The following GABBR2 variants were observed in gnomAD, a reference collection of about 807,000 sequenced individuals.
The protein encoded by GABBR2 is gamma-aminobutyric acid type B receptor subunit 2, also known as G-protein coupled receptor 51.
Under a neutral mutation model 105.6 loss-of-function variants are expected in GABBR2, and 23 were observed. The ratio of observed to expected loss-of-function variants is 0.22; its 90% confidence interval spans 0.16 to 0.31. The LOEUF is 0.31. Ranked by LOEUF, GABBR2 falls within the 10% of genes least tolerant of loss-of-function variation. The pLI, the probability that GABBR2 is intolerant of heterozygous loss-of-function variation, is 1.00. For missense variants in GABBR2, 734 were observed against 1,245.5 expected, an observed-to-expected ratio of 0.59 and a Z score of 6.18; for synonymous variants, 478 against 499.7, an observed-to-expected ratio of 0.96 and a Z score of 0.58.
intron 4 of GABBR2, among the ~76,000 whole-genome samples, chr9:98,487,452 T>C (rs1827081500): frequency 6.6e-6 from 1 of 152,090 alleles, no homozygotes; most frequent in Non-Finnish European, 1.5e-5. Context: ...AAGCCTACCT[T>C]TGTAGTTGTC....
intron 1 of GABBR2, among the ~76,000 whole-genome samples, chr9:98,602,719 G>C (rs1414834545): frequency 6.6e-6 from 1 of 152,202 alleles, no homozygotes; most frequent in Non-Finnish European, 1.5e-5. Context: ...AGTGGGAGGG[G>C]AGAAAACTGG....
At chr9:98,708,191 TAC>T in intron 1 of GABBR2, among the ~76,000 whole-genome samples, 1 of 141,532 alleles carries the variant, frequency 7.1e-6, no homozygotes, top group African/African-American at 2.5e-5. Context: ...CACACACACA[TAC>T]ACACATAAGA....
intron 3 of GABBR2, among the ~76,000 whole-genome samples, chr9:98,519,034 A>T (rs1363597479): frequency 6.6e-6 from 1 of 152,206 alleles, no homozygotes; most frequent in Non-Finnish European, 1.5e-5. Context: ...GGGAACAGGT[A>T]TTTACTCTGT....
intron 1 of GABBR2, among the ~76,000 whole-genome samples, chr9:98,660,884 T>C (rs1015272768): frequency 6.6e-6 from 1 of 152,218 alleles, no homozygotes; most frequent in Non-Finnish European, 1.5e-5. Flanking sequence ...ACCTGGATGA[T>C]CCAGGATAAT....
intron 11 of GABBR2, among the ~76,000 whole-genome samples, chr9:98,379,969 A>G (rs1831943096): frequency 6.6e-6 from 1 of 151,214 alleles, no homozygotes; most frequent in Admixed American, 6.6e-5. Flanking sequence ...AACTTAGTTG[A>G]CTTTTTTTTT....
chr9:98,618,291 C>G (rs1005130427), intron 1 of GABBR2, among the ~76,000 whole-genome samples: 15 of 152,200 alleles, frequency 9.9e-5, no homozygotes, highest in African/African-American at 3.4e-4. Context: ...AGACTTGTGC[C>G]CTTTTTGTAA....
chr9:98,479,622 C>A (rs978162564), intron 5 of GABBR2, among the ~76,000 whole-genome samples: 3 of 152,242 alleles, frequency 2.0e-5, no homozygotes, highest in African/African-American at 4.8e-5. Context: ...GCAGCCACTA[C>A]CCTATCCTCG....
intron 3 of GABBR2, 107 bp from the exon 4 acceptor site, chr9:98,496,621 C>A (rs1179771674): frequency 6.7e-6 from 5 of 740,860 alleles, no homozygotes; most frequent in Admixed American, 2.0e-5. Flanking sequence ...ATTTTCTCTA[C>A]CGACAATGCA....
chr9:98,636,876 C>T (rs1291407713), intron 1 of GABBR2, among the ~76,000 whole-genome samples: 6 of 152,160 alleles, frequency 3.9e-5, no homozygotes, highest in Non-Finnish European at 7.3e-5. Flanking sequence ...TAAAATGTCT[C>T]CAAATACCTC....
At chr9:98,455,485 G>C (rs367817077) in intron 6 of GABBR2, among the ~76,000 whole-genome samples, 7 of 152,286 alleles carry the variant, frequency 4.6e-5, no homozygotes, top group African/African-American at 1.7e-4. Context: ...GACAGTCACG[G>C]GCATGCAGTC....
intron 6 of GABBR2, among the ~76,000 whole-genome samples, chr9:98,462,410 A>C (rs1826442096): frequency 6.6e-6 from 1 of 152,240 alleles, no homozygotes; most frequent in Non-Finnish European, 1.5e-5. Context: ...CTGTCAAATA[A>C]TTCATATCCA....
chr9:98,449,653 GC>G (rs1319977256), intron 7 of GABBR2, among the ~76,000 whole-genome samples: 3 of 152,202 alleles, frequency 2.0e-5, no homozygotes, highest in Non-Finnish European at 4.4e-5. Context: ...CTAATGATGA[GC>G]TCTGCTGAGC....
chr9:98,514,351 A>G (rs1159082665), intron 3 of GABBR2, among the ~76,000 whole-genome samples: 1 of 131,156 alleles, frequency 7.6e-6, no homozygotes, highest in Admixed American at 7.6e-5. Flanking sequence ...ACATGTATAC[A>G]TATGTAACTA....
intron 13 of GABBR2, among the ~76,000 whole-genome samples, chr9:98,351,168 C>T (rs1831392957): frequency 1.2e-5 from 1 of 85,280 alleles, no homozygotes; most frequent in South Asian, 3.3e-4. Context: ...TTATAGTTGG[C>T]TTTTTAAAAA....
intron 12 of GABBR2, among the ~76,000 whole-genome samples, chr9:98,364,694 G>C (rs1433634830): frequency 6.7e-5 from 10 of 149,596 alleles, no homozygotes; most frequent in Non-Finnish European, 1.5e-4. Context: ...CTTCCTTCCT[G>C]GGTTCAAGCA....
At chr9:98,383,629 G>A (rs1832018752) in intron 11 of GABBR2, among the ~76,000 whole-genome samples, 1 of 152,144 alleles carries the variant, frequency 6.6e-6, no homozygotes. Context: ...ACTTCTCAAG[G>A]CACTGCCCAA....
At chr9:98,392,067 G>A (rs1306955381) in intron 9 of GABBR2, among the ~76,000 whole-genome samples, 3 of 152,208 alleles carry the variant, frequency 2.0e-5, no homozygotes, top group South Asian at 4.2e-4. Flanking sequence ...GATTATTCAC[G>A]GTCTTGGTAG....
At chr9:98,686,901 C>G (rs1391089313) in intron 1 of GABBR2, among the ~76,000 whole-genome samples, 2 of 152,050 alleles carry the variant, frequency 1.3e-5, no homozygotes, top group Non-Finnish European at 2.9e-5. Flanking sequence ...AGCTCTGCCT[C>G]TCCCCAGCCC....
intron 17 of GABBR2, among the ~76,000 whole-genome samples, chr9:98,297,634 A>G (rs1257933347): frequency 7.0e-6 from 1 of 143,728 alleles, no homozygotes; most frequent in Non-Finnish European, 1.5e-5. Context: ...AAAATAAATA[A>G]ATAAAATAAA....
Sources: gnomAD v4.1 joint callset for allele counts (sites outside exome capture counted in the v4.1 genomes callset) on GRCh38, gnomAD v4.1.1 for gene constraint, MANE v1.5 for transcripts, NCBI Gene and HGNC (gene_info 2026-07-23, HGNC 2026-07-21) for gene names.